Variants in B3GALT1 observed in about 807,000 individuals in gnomAD.
B3GALT1 encodes the protein beta-1,3-galactosyltransferase 1.
B3GALT1 carries 10 observed loss-of-function variants against 23.2 expected under a neutral mutation model. That is an observed-to-expected ratio of 0.43 (90% CI 0.27 to 0.73). The LOEUF (loss-of-function observed/expected upper bound fraction) is 0.73, where lower values mean the gene tolerates loss of function less well. Ranked by LOEUF, B3GALT1 falls within the 30% of genes least tolerant of loss-of-function variation. The pLI is 0.21. For synonymous variants in B3GALT1, 156 were observed against 141.5 expected (o/e 1.10, Z -0.73); for missense variants, 299 against 405.4 (o/e 0.74, Z 2.25).
chr2:167,536,760 G>A (rs974753061), intron 2 of B3GALT1, among the ~76,000 whole-genome samples: 1 of 152,108 alleles, frequency 6.6e-6, no homozygotes, highest in African/African-American at 2.4e-5. Context: ...AATGTACCCA[G>A]GCCCCTCCAC....
chr2:167,331,549 G>C (rs1696972498), intron 1 of B3GALT1, among the ~76,000 whole-genome samples: 1 of 152,186 alleles, frequency 6.6e-6, no homozygotes, highest in Non-Finnish European at 1.5e-5. Flanking sequence ...GGTGCCAGCT[G>C]TAATAGTTGT....
At chr2:167,689,602 C>T (rs903285349) in intron 3 of B3GALT1, among the ~76,000 whole-genome samples, 9 of 151,994 alleles carry the variant, frequency 5.9e-5, no homozygotes, top group Admixed American at 5.9e-4. Flanking sequence ...TAGGGGGAGC[C>T]ATTTTAAGGT....
intron 1 of B3GALT1, among the ~76,000 whole-genome samples, chr2:167,350,537 G>T (rs557697317): frequency 6.6e-6 from 1 of 152,292 alleles, no homozygotes; most frequent in African/African-American, 2.4e-5. Context: ...AGATTGCATT[G>T]CATGCAGATA....
intron 1 of B3GALT1, among the ~76,000 whole-genome samples, chr2:167,326,698 A>G (rs1273404274): frequency 6.6e-6 from 1 of 151,712 alleles, no homozygotes; most frequent in Non-Finnish European, 1.5e-5. Context: ...TTATTTATTT[A>G]TTTATTGTAG....
chr2:167,361,781 T>C (rs1399925126), intron 1 of B3GALT1, among the ~76,000 whole-genome samples: 3 of 152,104 alleles, frequency 2.0e-5, no homozygotes, highest in Non-Finnish European at 2.9e-5. Context: ...TTGTCCAAAA[T>C]CAGAGTTTTG....
intron 2 of B3GALT1, 96 bp downstream of exon 2, chr2:167,490,373 C>G (rs1456147568): frequency 6.6e-6 from 1 of 152,176 alleles, no homozygotes; most frequent in East Asian, 1.9e-4. Flanking sequence ...TAAGTATGCT[C>G]TGAATTTGCT....
intron 3 of B3GALT1, among the ~76,000 whole-genome samples, chr2:167,766,177 T>C (rs868628406): frequency 3.3e-5 from 5 of 152,250 alleles, no homozygotes; most frequent in African/African-American, 1.2e-4. Flanking sequence ...AAAATACCAA[T>C]GGAAAATCAA....
At chr2:167,441,928 T>C (rs11886988) in intron 1 of B3GALT1, among the ~76,000 whole-genome samples, 2,141 of 152,060 alleles carry the variant, frequency 0.014, 49 homozygotes, top group African/African-American at 0.049. Context: ...GTGCACATTG[T>C]GCAGGTTAGT....
rs143516042 is a variant in B3GALT1, at chr2:167,400,325, C to G, written c.-510-89852C>G. 7.4e-4 allele frequency among the ~76,000 whole-genome samples: 113 copies of G among 152,078 alleles called. 1 individual carries two copies. The East Asian group carries it at 0.018, about 24-fold the overall frequency. ...TTTTTGGTCACATCTTTGATAATTT[C>G]TTCCCCTTTTATTTCCTCTGTCTTC... On this transcript the variant is annotated intron_variant, in intron 1 of 4. Coordinates refer to ENST00000392690, the MANE Select transcript of B3GALT1 (RefSeq NM_020981.4).
rs373758190 is a variant in B3GALT1 at position 167,593,875 on chromosome 2, T to G, written c.-409-53034T>G. Among the ~76,000 whole-genome samples, 12 of 152,030 alleles carry G rather than the reference T, an allele frequency of 7.9e-5. No homozygotes were observed. In the East Asian group the frequency reaches 2.3e-3, roughly 29 times the overall value. On this transcript the variant is annotated intron_variant, in intron 2 of 4. Transcript: ENST00000392690. Reference sequence around the variant, plus strand: ...GTAGAGTGAAGGTGAGAGAGGGAAATATTGGACATATAAATTGAGGACTTA... The same window carrying G: ...GTAGAGTGAAGGTGAGAGAGGGAAAGATTGGACATATAAATTGAGGACTTA...
At chr2:167,511,174 TG>T in intron 2 of B3GALT1, among the ~76,000 whole-genome samples, 1 of 152,150 alleles carries the variant, frequency 6.6e-6, no homozygotes, top group East Asian at 1.9e-4. Context: ...ATAGTTAAAT[TG>T]TGTTCATTCA....
intron 2 of B3GALT1, among the ~76,000 whole-genome samples, chr2:167,637,747 A>G (rs1305955349): frequency 6.6e-6 from 1 of 151,888 alleles, no homozygotes; most frequent in Non-Finnish European, 1.5e-5. Context: ...AAGTGAAAAC[A>G]TGCAGTATTT....
chr2:167,611,928 T>A (rs1685074693), intron 2 of B3GALT1, among the ~76,000 whole-genome samples: 1 of 152,058 alleles, frequency 6.6e-6, no homozygotes, highest in Non-Finnish European at 1.5e-5. Context: ...ATCATATTTA[T>A]TCTCCTATGG....
chr2:167,826,209 C>G lies in B3GALT1; in HGVS notation c.-230+7416C>G, dbSNP rs111849938. ...AGGGAATGGGTCAGGTCACTTGACT[C>G]CCGGTCTTGCGCTCAGTCCTCTCTA... On this transcript the variant is annotated intron_variant, in intron 4 of 4. Transcript: ENST00000392690. 4.7e-3 allele frequency among the ~76,000 whole-genome samples: 720 copies of G among 152,214 alleles called. 5 individuals carry two copies. Among genetic ancestry groups the G allele is most frequent in the African/African-American group, 0.016 (674 of 41,542 alleles).
intron 2 of B3GALT1, among the ~76,000 whole-genome samples, chr2:167,562,619 C>CA (rs1684027930): frequency 6.7e-6 from 1 of 149,490 alleles, no homozygotes; most frequent in Non-Finnish European, 1.5e-5. Context: ...TCTCAGGATA[C>CA]AAAATCAATG....
chr2:167,820,013 T>C (rs561256462), intron 4 of B3GALT1, among the ~76,000 whole-genome samples: 1 of 152,250 alleles, frequency 6.6e-6, no homozygotes, highest in East Asian at 1.9e-4. Flanking sequence ...GCACACAGCC[T>C]AAACGGGTGG....
At chr2:167,566,832 G>A (rs190204088) in intron 2 of B3GALT1, among the ~76,000 whole-genome samples, 5 of 152,240 alleles carry the variant, frequency 3.3e-5, no homozygotes, top group Admixed American at 3.3e-4. Flanking sequence ...TCTGGGGGTA[G>A]GAGGGTTATT....
intron 1 of B3GALT1, among the ~76,000 whole-genome samples, chr2:167,393,987 A>G (rs565332444): frequency 1.4e-4 from 22 of 152,192 alleles, no homozygotes; most frequent in African/African-American, 5.3e-4. Flanking sequence ...AGAGGTGAGG[A>G]TGGCTCACAT....
At chr2:167,656,877 A>C (rs1264444026) in intron 3 of B3GALT1, among the ~76,000 whole-genome samples, 4 of 152,134 alleles carry the variant, frequency 2.6e-5, no homozygotes, top group Admixed American at 1.3e-4. Flanking sequence ...GTCTAACTAG[A>C]GAAATAATGG....
Sources: gnomAD v4.1 joint callset for allele counts (sites outside exome capture counted in the v4.1 genomes callset) on GRCh38, gnomAD v4.1.1 for gene constraint, MANE v1.5 for transcripts, NCBI Gene and HGNC (gene_info 2026-07-23, HGNC 2026-07-21) for gene names.